CPNE4: variants seen among roughly 807,000 people sequenced by gnomAD.
CPNE4 encodes the protein copine 4.
A neutral mutation model predicts 67.9 loss-of-function variants in CPNE4; 25 were observed. The observed-to-expected ratio is 0.37, with a 90% CI of 0.27 to 0.51. CPNE4 has a LOEUF of 0.51. CPNE4 is among the 20% of genes least tolerant of loss of function. CPNE4 has a pLI of 0.93. For missense variants in CPNE4, 464 were observed against 690.8 expected, an observed-to-expected ratio of 0.67 and a Z score of 3.68; for synonymous variants, 242 against 244.9, an observed-to-expected ratio of 0.99 and a Z score of 0.11.
At chr3:131,903,451 ATT>A (rs2107770962) in intron 2 of CPNE4, among the ~76,000 whole-genome samples, 1 of 152,148 alleles carries the variant, frequency 6.6e-6, no homozygotes, top group Admixed American at 6.5e-5. Context: ...TCCTTATCCA[ATT>A]TGTTTGGATT....
rs561268632 is a variant in CPNE4 at position 131,612,701 on chromosome 3, A to G, written c.682-25119T>C. ...GCAAGACATCACTAATCCATCATAT[A>G]ATTTCCTCACTGAGCTGAGATAAAA... On this transcript the variant is annotated intron_variant, in intron 7 of 15. Coordinates refer to ENST00000429747, the MANE Select transcript of CPNE4 (RefSeq NM_130808.3). Among the ~76,000 whole-genome samples, 5 of 152,284 alleles carry G rather than the reference A, an allele frequency of 3.3e-5. No individual in the cohort carries two copies. The East Asian group carries it at 9.7e-4, about 29-fold the overall frequency.
At chr3:131,682,068 A>C (rs1304292060) in intron 6 of CPNE4, among the ~76,000 whole-genome samples, 4 of 151,930 alleles carry the variant, frequency 2.6e-5, no homozygotes, top group African/African-American at 9.7e-5. Context: ...GTTTCCTCAA[A>C]ATAGCTATTT....
At chr3:131,692,437 A>T (rs1013868835) in intron 5 of CPNE4, among the ~76,000 whole-genome samples, 1 of 152,216 alleles carries the variant, frequency 6.6e-6, no homozygotes, top group African/African-American at 2.4e-5. Flanking sequence ...AAGCAGGCAT[A>T]CTTAAACATA....
At chr3:132,004,268 T>C (rs951234275) in intron 1 of CPNE4, among the ~76,000 whole-genome samples, 8 of 152,208 alleles carry the variant, frequency 5.3e-5, no homozygotes, top group Middle Eastern at 3.4e-3. Context: ...AAAACAAAAG[T>C]GCATTTTTCG....
chr3:131,628,630 G>A (rs903790852), intron 7 of CPNE4, among the ~76,000 whole-genome samples: 31 of 152,342 alleles, frequency 2.0e-4, no homozygotes, highest in Middle Eastern at 3.4e-3. Context: ...TCTTGGGAGG[G>A]TGTATGTGTC....
At chr3:131,801,151 G>GATGAAATAAACT (rs2084085707) in intron 2 of CPNE4, among the ~76,000 whole-genome samples, 1 of 151,588 alleles carries the variant, frequency 6.6e-6, no homozygotes, top group Non-Finnish European at 1.5e-5. Context: ...TTTTTTCAAA[G>GATGAAATAAACT]GGCCTTGGAG....
At chr3:131,669,313 G>C (rs930773434) in intron 7 of CPNE4, among the ~76,000 whole-genome samples, 2 of 152,210 alleles carry the variant, frequency 1.3e-5, no homozygotes, top group Admixed American at 6.5e-5. Context: ...AATGCTTCTA[G>C]TTCTAAGCTA....
intron 1 of CPNE4, among the ~76,000 whole-genome samples, chr3:131,958,602 T>C (rs1388244327): frequency 1.3e-5 from 1 of 77,058 alleles, no homozygotes; most frequent in Non-Finnish European, 2.8e-5. Context: ...ACACCTTTCT[T>C]TCTTTTCTTT....
At chr3:131,593,652 CTTTTA>C (rs1221863850) in intron 7 of CPNE4, among the ~76,000 whole-genome samples, 3 of 152,008 alleles carry the variant, frequency 2.0e-5, no homozygotes, top group Admixed American at 6.6e-5. Flanking sequence ...ATTTGTTTGC[CTTTTA>C]TTTTATCTTC....
chr3:131,719,923 CT>C (rs1442531549), intron 3 of CPNE4, among the ~76,000 whole-genome samples: 1 of 152,222 alleles, frequency 6.6e-6, no homozygotes, highest in Non-Finnish European at 1.5e-5. Flanking sequence ...AAACCAAACT[CT>C]TGCAAGTGGG....
At chr3:131,662,870 T>G (rs997360665) in intron 7 of CPNE4, among the ~76,000 whole-genome samples, 2 of 152,182 alleles carry the variant, frequency 1.3e-5, no homozygotes, top group Non-Finnish European at 2.9e-5. Flanking sequence ...GGTGGGAGTG[T>G]AAATTAGTTC....
chr3:131,547,437 T>C (rs548624635), intron 14 of CPNE4, among the ~76,000 whole-genome samples: 107 of 112,630 alleles, frequency 9.5e-4, no homozygotes, highest in Middle Eastern at 8.9e-3. Context: ...GCTTGGGTGA[T>C]AGACCAAGAC....
intron 2 of CPNE4, among the ~76,000 whole-genome samples, chr3:131,898,158 A>G (rs989130777): frequency 2.0e-5 from 3 of 152,096 alleles, no homozygotes; most frequent in Non-Finnish European, 4.4e-5. Flanking sequence ...TTAAACATGC[A>G]AATAGGCACT....
intron 2 of CPNE4, among the ~76,000 whole-genome samples, chr3:131,880,452 T>C (rs1485437294): frequency 6.6e-6 from 1 of 152,218 alleles, no homozygotes; most frequent in Non-Finnish European, 1.5e-5. Context: ...ATTGAATGAA[T>C]GTCAGTGACC....
chr3:131,877,119 G>A (rs1206776742), intron 2 of CPNE4, among the ~76,000 whole-genome samples: 1 of 151,786 alleles, frequency 6.6e-6, no homozygotes, highest in Non-Finnish European at 1.5e-5. Flanking sequence ...GTAGTAACCA[G>A]TGACACACTG....
At chr3:131,759,909 T>C (rs2082847123) in intron 2 of CPNE4, among the ~76,000 whole-genome samples, 2 of 152,192 alleles carry the variant, frequency 1.3e-5, no homozygotes, top group South Asian at 4.1e-4. Flanking sequence ...TTAAGTGCTG[T>C]GGAGGGCAGA....
chr3:131,764,886 G>T (rs2082971763), intron 2 of CPNE4, among the ~76,000 whole-genome samples: 1 of 152,076 alleles, frequency 6.6e-6, no homozygotes, highest in Non-Finnish European at 1.5e-5. Context: ...CTCTGAGATT[G>T]TTTAACAAAG....
At chr3:131,743,847 C>T (rs1376166744) in intron 2 of CPNE4, among the ~76,000 whole-genome samples, 3 of 149,666 alleles carry the variant, frequency 2.0e-5, no homozygotes, top group Non-Finnish European at 4.4e-5. Flanking sequence ...CCTGTAGTCC[C>T]AGCTACTCGG....
chr3:131,831,673 T>TA (rs985856175), intron 2 of CPNE4, among the ~76,000 whole-genome samples: 1 of 152,170 alleles, frequency 6.6e-6, no homozygotes, highest in African/African-American at 2.4e-5. Flanking sequence ...ATTATCAGGA[T>TA]AAAAAATTTT....
Sources: allele counts gnomAD v4.1 joint callset (sites outside exome capture counted in the v4.1 genomes callset), GRCh38; gene constraint gnomAD v4.1.1; transcripts MANE v1.5; gene names NCBI Gene and HGNC (gene_info 2026-07-23, HGNC 2026-07-21).